MAST4: variants seen among roughly 807,000 people sequenced by gnomAD.
The protein encoded by MAST4 is microtubule-associated serine/threonine-protein kinase 4.
In MAST4, 89 loss-of-function variants were observed where a neutral mutation model predicts 162.7. The observed-to-expected ratio is 0.55, with a 90% confidence interval of 0.46 to 0.65. MAST4 has a LOEUF of 0.65. MAST4 is among the 30% of genes least tolerant of loss of function. The pLI is 0.00. For synonymous variants in MAST4, 1,479 were observed against 1,361.1 expected, an observed-to-expected ratio of 1.09 and a Z score of -1.91; for missense variants, 3,153 against 3,374.0, an observed-to-expected ratio of 0.93 and a Z score of 1.62.
intron 4 of MAST4, among the ~76,000 whole-genome samples, chr5:66,998,291 C>T (rs1750900358): frequency 6.6e-6 from 1 of 152,146 alleles, no homozygotes; most frequent in African/African-American, 2.4e-5. Context: ...GCACCTTGTC[C>T]TTGAAGTTAA....
intron 1 of MAST4, among the ~76,000 whole-genome samples, chr5:66,750,487 G>A (rs1753069475): frequency 6.6e-6 from 1 of 152,234 alleles, no homozygotes; most frequent in African/African-American, 2.4e-5. Flanking sequence ...CACTTGGGAA[G>A]CGCAAGGGGT....
intron 1 of MAST4, among the ~76,000 whole-genome samples, chr5:66,610,257 A>G (rs766246206): frequency 1.1e-4 from 16 of 151,942 alleles, no homozygotes; most frequent in Non-Finnish European, 2.1e-4. Context: ...TCCCCTTTTT[A>G]TAAGGATACC....
intron 1 of MAST4, among the ~76,000 whole-genome samples, chr5:66,661,090 C>G (rs1044499442): frequency 2.0e-5 from 3 of 152,076 alleles, no homozygotes; most frequent in Non-Finnish European, 4.4e-5. Flanking sequence ...TCCCTAGTGT[C>G]TATATCAGTC....
intron 10 of MAST4, among the ~76,000 whole-genome samples, chr5:67,105,335 A>G (rs1765477568): frequency 6.6e-6 from 1 of 152,350 alleles, no homozygotes; most frequent in East Asian, 1.9e-4. Flanking sequence ...TTCTCTAGAC[A>G]TGAATATGTA....
At chr5:67,080,638 GA>G (rs1163734992) in intron 5 of MAST4, among the ~76,000 whole-genome samples, 18 of 152,192 alleles carry the variant, frequency 1.2e-4, no homozygotes, top group Admixed American at 1.2e-3. Context: ...ATGCAAGAAG[GA>G]ATGATAAGAA....
chr5:66,865,753 G>C (rs1453554797), intron 3 of MAST4, among the ~76,000 whole-genome samples: 1 of 152,106 alleles, frequency 6.6e-6, no homozygotes, highest in Non-Finnish European at 1.5e-5. Flanking sequence ...CATCAATTCA[G>C]TAAGTAAAGA....
chr5:67,155,785 G>C (rs1369320154), intron 26 of MAST4, among the ~76,000 whole-genome samples: 1 of 152,188 alleles, frequency 6.6e-6, no homozygotes. Flanking sequence ...ATAAGGGCCA[G>C]GCACAGTGGC....
In MAST4 at chr5:66,604,902, G is replaced by A. The variant is rs146266778; in HGVS notation, c.363+7884G>A. Among the ~76,000 whole-genome samples, 641 of 152,206 alleles carry A rather than the reference G, an allele frequency of 4.2e-3. 16 individuals carry two copies. In the South Asian group the frequency reaches 0.062, roughly 15 times the overall value. On this transcript the variant is annotated intron_variant, in intron 1 of 28. Coordinates refer to ENST00000403625, the MANE Select transcript of MAST4 (RefSeq NM_001164664.2). ...AAATTGGAGGTTAAACTATTAGGTC[G>A]GTGTACACAGTCACTGAGACTGACA... is the stretch of plus-strand genomic sequence containing the variant.
At chr5:66,826,434 G>A (rs188562937) in intron 3 of MAST4, among the ~76,000 whole-genome samples, 5 of 152,164 alleles carry the variant, frequency 3.3e-5, no homozygotes, top group Admixed American at 2.6e-4. Flanking sequence ...ATGCATGCAC[G>A]TCAGCTGACA....
At chr5:67,135,294 G>C (rs1408878102) in intron 18 of MAST4, among the ~76,000 whole-genome samples, 2 of 152,114 alleles carry the variant, frequency 1.3e-5, no homozygotes, top group Non-Finnish European at 2.9e-5. Flanking sequence ...TAACCTGCAA[G>C]CTGACCCTAA....
At chr5:66,917,533 T>TA (rs1397493725) in intron 4 of MAST4, among the ~76,000 whole-genome samples, 3 of 151,668 alleles carry the variant, frequency 2.0e-5, no homozygotes, top group South Asian at 2.1e-4. Context: ...TCACTATTTT[T>TA]AAAAAAACAT....
Position 67,142,152 on chromosome 5 carries a change from T to C in MAST4, c.2532T>C (p.Arg844=). The C allele has an allele frequency of 6.2e-7, 1 of 1,613,964 alleles. No individual in the cohort carries two copies. Among genetic ancestry groups the C allele is most frequent in the Non-Finnish European group, 8.5e-7 (1 of 1,179,822 alleles). ...AAGTCAAACAGCATCGATTCTTCCG[T>C]TCTTTAGACTGGAACAGTTTGCTGA... ...AYEVKQHRFF[R]SLDWNSLLRQ... is the part of the protein sequence containing the mutation. Residue 844 remains arginine, a synonymous_variant, in exon 20 of 29, where the codon CGT becomes CGC. Coordinates refer to ENST00000403625, the MANE Select transcript of MAST4 (RefSeq NM_001164664.2).
intron 4 of MAST4, among the ~76,000 whole-genome samples, chr5:67,004,237 C>T (rs1023490830): frequency 6.6e-6 from 1 of 152,094 alleles, no homozygotes; most frequent in South Asian, 2.1e-4. Context: ...CGTGAGCCCC[C>T]GCTCCTCAGG....
chr5:66,903,438 TTGTGTGTGTGTGTGTG>T (rs3042310), intron 4 of MAST4, among the ~76,000 whole-genome samples: 2 of 148,718 alleles, frequency 1.3e-5, no homozygotes, highest in South Asian at 2.1e-4. Context: ...ACACCTGTGT[TTGTGTGTGTGTGTGTG>T]TGTGTGTGTG....
Position 66,734,719 on chromosome 5 carries a change from C to T in MAST4, c.364-24990C>T, listed in dbSNP as rs544359464. On this transcript the variant is annotated intron_variant, in intron 1 of 28. Transcript: ENST00000403625. The stretch of plus-strand genomic sequence containing the variant: ...GAGCTCTGAAAACAGGCTAGTGCAA[C>T]TGAGGAACTAAATTTTTAGTTTAAA... Among the ~76,000 whole-genome samples, 9 of 152,278 alleles carry T rather than the reference C, an allele frequency of 5.9e-5. No homozygotes were observed. The South Asian group carries it at 1.9e-3, about 32-fold the overall frequency.
intron 19 of MAST4, among the ~76,000 whole-genome samples, chr5:67,136,976 C>G (rs1233818290): frequency 1.3e-5 from 2 of 152,214 alleles, no homozygotes; most frequent in African/African-American, 4.8e-5. Flanking sequence ...GCACATGTAA[C>G]TCTTCTATCC....
chr5:66,600,977 T>A (rs781518652), intron 1 of MAST4, among the ~76,000 whole-genome samples: 2 of 152,232 alleles, frequency 1.3e-5, no homozygotes, highest in African/African-American at 2.4e-5. Flanking sequence ...AAATGGTTTC[T>A]CTTATTAACA....
chr5:66,611,070 A>G (rs1344741643), intron 1 of MAST4, among the ~76,000 whole-genome samples: 1 of 152,244 alleles, frequency 6.6e-6, no homozygotes, highest in Non-Finnish European at 1.5e-5. Context: ...AGAAATAGTT[A>G]CAGCCAAGGG....
chr5:66,750,305 G>C (rs986687663), intron 1 of MAST4, among the ~76,000 whole-genome samples: 1 of 152,184 alleles, frequency 6.6e-6, no homozygotes, highest in Non-Finnish European at 1.5e-5. Flanking sequence ...CAAGATGGCC[G>C]AATAGGAACA....
Sources: allele counts gnomAD v4.1 joint callset (sites outside exome capture counted in the v4.1 genomes callset), GRCh38; gene constraint gnomAD v4.1.1; transcripts MANE v1.5; gene names NCBI Gene and HGNC (gene_info 2026-07-23, HGNC 2026-07-21).